The following DLG2 variants were observed in gnomAD, a reference collection of about 807,000 sequenced individuals.
DLG2 encodes disks large homolog 2.
DLG2 carries 45 observed loss-of-function variants against 132.5 expected under a neutral mutation model. The ratio of observed to expected loss-of-function variants is 0.34; its 90% CI spans 0.27 to 0.44. The LOEUF is 0.44. Ranked by LOEUF, DLG2 falls within the 20% of genes least tolerant of loss-of-function variation. DLG2 has a pLI of 1.00. For missense variants in DLG2, 1,045 were observed against 1,196.9 expected (o/e 0.87, Z 1.87); for synonymous variants, 424 against 419.6 (o/e 1.01, Z -0.13).
Position 84,182,344 on chromosome 11 carries a change from C to A in DLG2, c.574-18833G>T, listed in dbSNP as rs372895193. Among the ~76,000 whole-genome samples the A allele has an allele frequency of 4.0e-5, 6 of 150,940 alleles. No homozygotes were observed. The East Asian group carries it at 1.2e-3, about 30-fold the overall frequency. ...TACATGATGTTTTATCCAGCCTGGGCAACATAGGGAGACCCCAACTCCTAA... is the reference window on the plus strand; with the variant it reads ...TACATGATGTTTTATCCAGCCTGGGAAACATAGGGAGACCCCAACTCCTAA... On this transcript the variant is annotated intron_variant, in intron 8 of 27. Transcript: ENST00000376104.
intron 18 of DLG2, among the ~76,000 whole-genome samples, chr11:83,689,542 A>G (rs555442966): frequency 1.8e-4 from 28 of 152,278 alleles, no homozygotes; most frequent in African/African-American, 6.7e-4. Flanking sequence ...ACTTCTCTGA[A>G]TTAAACCTTG....
chr11:84,669,493 ATATTTACT>A (rs2099703418), intron 6 of DLG2, among the ~76,000 whole-genome samples: 2 of 152,168 alleles, frequency 1.3e-5, no homozygotes, highest in African/African-American at 2.4e-5. Flanking sequence ...TACTCATCAT[ATATTTACT>A]TATTTACTAA....
chr11:84,462,694 T>A (rs187084502), intron 7 of DLG2, among the ~76,000 whole-genome samples: 7 of 151,232 alleles, frequency 4.6e-5, no homozygotes, highest in African/African-American at 1.4e-4. Context: ...CTCTGTTTTT[T>A]AATGGTGAAC....
chr11:85,470,880 A>T (rs2092964087), intron 3 of DLG2, among the ~76,000 whole-genome samples: 1 of 152,230 alleles, frequency 6.6e-6, no homozygotes, highest in African/African-American at 2.4e-5. Flanking sequence ...ACCTTCCTGG[A>T]TGTTTACATT....
rs578201540 is a variant in DLG2 at position 83,961,897 on chromosome 11, C to A, written c.1340+988G>T. 2.6e-5 allele frequency among the ~76,000 whole-genome samples: 4 copies of A among 152,154 alleles called. 1 individual carries two copies. The South Asian group carries it at 8.3e-4, about 32-fold the overall frequency. On this transcript the variant is annotated intron_variant, in intron 14 of 27. Coordinates refer to ENST00000376104, the MANE Select transcript of DLG2 (RefSeq NM_001142699.3). ...TGGATGCACATTTTCAGCGTCTAAA[C>A]ATTCCATTCCTTGGCTAAAGATATA...
chr11:84,753,389 G>A (rs1242066664), intron 6 of DLG2, among the ~76,000 whole-genome samples: 1 of 152,164 alleles, frequency 6.6e-6, no homozygotes, highest in Admixed American at 6.6e-5. Context: ...GGCAGGCACA[G>A]ACATATGACC....
intron 6 of DLG2, among the ~76,000 whole-genome samples, chr11:84,790,059 A>T (rs2073572120): frequency 1.3e-5 from 2 of 152,340 alleles, no homozygotes; most frequent in South Asian, 4.1e-4. Context: ...AAGTGCAGAT[A>T]TCTTTTCGAT....
chr11:85,152,446 C>G (rs1408587927), intron 5 of DLG2, among the ~76,000 whole-genome samples: 2 of 152,046 alleles, frequency 1.3e-5, no homozygotes, highest in Non-Finnish European at 2.9e-5. Flanking sequence ...ACCATGTTGG[C>G]CAGGCTGGTC....
chr11:84,938,479 A>C (rs996918745), intron 6 of DLG2, among the ~76,000 whole-genome samples: 4 of 152,224 alleles, frequency 2.6e-5, no homozygotes, highest in Non-Finnish European at 4.4e-5. Flanking sequence ...TGCCACTAAA[A>C]AAGTAAACTG....
chr11:84,395,412 T>C (rs973196337), intron 7 of DLG2, among the ~76,000 whole-genome samples: 1 of 152,078 alleles, frequency 6.6e-6, no homozygotes, highest in African/African-American at 2.4e-5. Context: ...GGTTTCTTTC[T>C]TCTTTTGCTT....
At chr11:84,734,401 T>C (rs928675640) in intron 6 of DLG2, among the ~76,000 whole-genome samples, 23 of 152,192 alleles carry the variant, frequency 1.5e-4, no homozygotes, top group African/African-American at 5.5e-4. Flanking sequence ...TTTGAAGCAA[T>C]TGTGAATGGA....
At chr11:85,153,813 G>A (rs1033170428) in intron 5 of DLG2, among the ~76,000 whole-genome samples, 8 of 151,998 alleles carry the variant, frequency 5.3e-5, no homozygotes, top group African/African-American at 1.9e-4. Flanking sequence ...GCAGTACTAA[G>A]CATGTTCATA....
chr11:84,036,861 C>CA (rs1470527266), intron 11 of DLG2, among the ~76,000 whole-genome samples: 14 of 152,182 alleles, frequency 9.2e-5, no homozygotes, highest in African/African-American at 3.1e-4. Flanking sequence ...TAGAAGAGAG[C>CA]AATCCAATTT....
intron 19 of DLG2, among the ~76,000 whole-genome samples, chr11:83,548,978 A>G (rs778040247): frequency 1.3e-5 from 2 of 152,130 alleles, no homozygotes; most frequent in Non-Finnish European, 1.5e-5. Context: ...TTTATAAATG[A>G]ACAAGTGAAT....
chr11:84,810,751 T>C (rs2153971407), intron 6 of DLG2, among the ~76,000 whole-genome samples: 1 of 152,238 alleles, frequency 6.6e-6, no homozygotes, highest in Non-Finnish European at 1.5e-5. Flanking sequence ...TGGAATACTG[T>C]TCAGCAATAA....
At chr11:84,230,343 C>T (rs1261421908) in intron 8 of DLG2, among the ~76,000 whole-genome samples, 1 of 152,140 alleles carries the variant, frequency 6.6e-6, no homozygotes, top group Non-Finnish European at 1.5e-5. Context: ...TATCCCTCAA[C>T]ATGAATTTAA....
intron 7 of DLG2, among the ~76,000 whole-genome samples, chr11:84,445,915 CA>C (rs58758315): frequency 0.21 from 12,851 of 59,830 alleles, 945 homozygotes; most frequent in African/African-American, 0.41. Flanking sequence ...GACTTCGCCT[CA>C]AAAAAAAAAA....
At chr11:83,687,408 C>T (rs189513757) in intron 18 of DLG2, among the ~76,000 whole-genome samples, 18 of 152,258 alleles carry the variant, frequency 1.2e-4, no homozygotes, top group Admixed American at 7.2e-4. Context: ...AGTCTATGCA[C>T]AGTGGCGGTG....
chr11:85,218,466 G>T (rs894299049), intron 4 of DLG2, among the ~76,000 whole-genome samples: 1 of 152,064 alleles, frequency 6.6e-6, no homozygotes, highest in African/African-American at 2.4e-5. Context: ...CTGAAAAAAT[G>T]CTCATTATCA....
Sources: gnomAD v4.1 joint callset for allele counts (sites outside exome capture counted in the v4.1 genomes callset) on GRCh38, gnomAD v4.1.1 for gene constraint, MANE v1.5 for transcripts, NCBI Gene and HGNC (gene_info 2026-07-23, HGNC 2026-07-21) for gene names.